The following HCN1 variants were observed in gnomAD, a reference collection of about 807,000 sequenced individuals.
The protein encoded by HCN1 is hyperpolarization activated cyclic nucleotide gated potassium channel 1, also known as potassium/sodium hyperpolarization-activated cyclic nucleotide-gated channel 1.
Under a neutral mutation model 78.9 loss-of-function variants are expected in HCN1, and 13 were observed. That is an observed-to-expected ratio of 0.16 (90% confidence interval 0.11 to 0.26). The LOEUF is 0.26. Among genes scored for constraint, HCN1 ranks in the 10% least tolerant of loss-of-function variants. The pLI is 1.00. For synonymous variants in HCN1, 552 were observed against 455.5 expected, an observed-to-expected ratio of 1.21 and a Z score of -2.70; for missense variants, 810 against 1,154.3, an observed-to-expected ratio of 0.70 and a Z score of 4.32.
At chr5:45,357,047 C>T (rs1747018510) in intron 4 of HCN1, among the ~76,000 whole-genome samples, 1 of 151,848 alleles carries the variant, frequency 6.6e-6, no homozygotes, top group African/African-American at 2.4e-5. Context: ...TTTTTTCTAG[C>T]CTCCTTATCC....
intron 6 of HCN1, among the ~76,000 whole-genome samples, chr5:45,276,936 G>C (rs940417222): frequency 1.3e-5 from 2 of 152,020 alleles, no homozygotes; most frequent in African/African-American, 2.4e-5. Context: ...TCATGATACA[G>C]GTTCAAAGAA....
chr5:45,485,499 T>C (rs924667630), intron 2 of HCN1, among the ~76,000 whole-genome samples: 6 of 152,190 alleles, frequency 3.9e-5, no homozygotes, highest in Non-Finnish European at 5.9e-5. Context: ...CAAAACAGTT[T>C]TTTCATCTCA....
At chr5:45,338,657 T>C (rs753084298) in intron 5 of HCN1, among the ~76,000 whole-genome samples, 1 of 152,142 alleles carries the variant, frequency 6.6e-6, no homozygotes, top group Non-Finnish European at 1.5e-5. Context: ...CCTAAGTTGA[T>C]TCCTCCTCTC....
chr5:45,657,398 G>A lies in HCN1; in HGVS notation c.426-11790C>T, dbSNP rs138657922. On this transcript the variant is annotated intron_variant, in intron 1 of 7. Transcript: ENST00000303230. The stretch of plus-strand genomic sequence containing the variant: ...TAGTGGTACTTATTAAATCTTTTTT[G>A]CTTCAACAGAAAATACACATATGGA... Among the ~76,000 whole-genome samples, 12 of 151,904 alleles carry A rather than the reference G, an allele frequency of 7.9e-5. No homozygotes were observed. In the East Asian group the frequency reaches 2.3e-3, roughly 29 times the overall value.
intron 2 of HCN1, among the ~76,000 whole-genome samples, chr5:45,508,688 G>T (rs1299402867): frequency 3.3e-5 from 5 of 152,090 alleles, no homozygotes; most frequent in Non-Finnish European, 7.4e-5. Flanking sequence ...TATATAGAAT[G>T]TCTGTGATGT....
chr5:45,446,754 T>C (rs1740807216), intron 3 of HCN1, among the ~76,000 whole-genome samples: 1 of 152,014 alleles, frequency 6.6e-6, no homozygotes, highest in South Asian at 2.1e-4. Flanking sequence ...AAGAAAAGAA[T>C]TTTCAACCCA....
intron 5 of HCN1, among the ~76,000 whole-genome samples, chr5:45,307,330 C>A (rs1275067471): frequency 6.6e-6 from 1 of 152,028 alleles, no homozygotes; most frequent in Non-Finnish European, 1.5e-5. Flanking sequence ...AATTACCAAA[C>A]CCTTAAGGAT....
chr5:45,278,438 T>G (rs1745105258), intron 6 of HCN1, among the ~76,000 whole-genome samples: 1 of 152,146 alleles, frequency 6.6e-6, no homozygotes, highest in Non-Finnish European at 1.5e-5. Context: ...CTATTACCAC[T>G]GCCCAATCAA....
At chr5:45,627,836 A>C (rs1049542101) in intron 2 of HCN1, among the ~76,000 whole-genome samples, 1 of 152,210 alleles carries the variant, frequency 6.6e-6, no homozygotes, top group Non-Finnish European at 1.5e-5. Context: ...ATTATCCATG[A>C]GCTTGTGTAC....
chr5:45,497,747 C>T (rs191586633), intron 2 of HCN1, among the ~76,000 whole-genome samples: 1,564 of 152,202 alleles, frequency 0.01, 18 homozygotes, highest in Middle Eastern at 0.031. Flanking sequence ...CCATGTTTAG[C>T]ACTTCCTTCA....
At chr5:45,332,716 C>T (rs535954965) in intron 5 of HCN1, among the ~76,000 whole-genome samples, 14 of 151,616 alleles carry the variant, frequency 9.2e-5, no homozygotes, top group African/African-American at 3.4e-4. Context: ...TTTTAGATTC[C>T]ACAAAAAAGT....
At chr5:45,415,725 T>C (rs1740104677) in intron 3 of HCN1, among the ~76,000 whole-genome samples, 1 of 152,044 alleles carries the variant, frequency 6.6e-6, no homozygotes, top group South Asian at 2.1e-4. Flanking sequence ...CCACAGCACT[T>C]GTGCTTCCAT....
Position 45,256,155 on chromosome 5 carries a change from G to A in HCN1, c.*5766C>T, listed in dbSNP as rs1744609221. 6.6e-6 allele frequency: 1 copy of A among 152,070 alleles called. No homozygotes were observed. The allele number at this position is 152,070 out of a possible 1,614,324, so 9.4% of individuals were successfully genotyped here. On this transcript the variant is annotated 3_prime_UTR_variant, in exon 8 of 8. Transcript: ENST00000303230. ...GGAGGGTGAGGCGGGCGGATCACTT[G>A]AGGTTAGGGGTTCGAGACCGGCCTG... is the stretch of plus-strand genomic sequence containing the variant.
chr5:45,367,243 A>G (rs921352115), intron 4 of HCN1, among the ~76,000 whole-genome samples: 1 of 151,828 alleles, frequency 6.6e-6, no homozygotes, highest in Admixed American at 6.6e-5. Flanking sequence ...CAAAAGAATT[A>G]CACACATATA....
chr5:45,627,905 C>T (rs1203013496), intron 2 of HCN1, among the ~76,000 whole-genome samples: 3 of 152,160 alleles, frequency 2.0e-5, no homozygotes, highest in African/African-American at 7.2e-5. Flanking sequence ...TGATCACCTC[C>T]ATAAGCCATT....
At chr5:45,268,985 G>T (rs1744911966) in intron 6 of HCN1, among the ~76,000 whole-genome samples, 1 of 152,180 alleles carries the variant, frequency 6.6e-6, no homozygotes, top group African/African-American at 2.4e-5. Flanking sequence ...GCCACATTAT[G>T]GCAAACAAAG....
intron 2 of HCN1, among the ~76,000 whole-genome samples, chr5:45,597,762 T>A (rs1459324698): frequency 6.6e-6 from 1 of 152,154 alleles, no homozygotes; most frequent in African/African-American, 2.4e-5. Context: ...CAAGCATTAC[T>A]ATACAGCAAT....
chr5:45,434,956 T>C lies in HCN1; in HGVS notation c.1011+26890A>G, dbSNP rs75970377. 4.2e-3 allele frequency among the ~76,000 whole-genome samples: 640 copies of C among 152,040 alleles called. 27 individuals carry two copies. The East Asian group carries it at 0.11, about 27-fold the overall frequency. ...ATATTGTAGTCATAGATCATCTTTA[T>C]TTTTTTTAAAAAATGTCACTTGCTA... On this transcript the variant is annotated intron_variant, in intron 3 of 7. Transcript: ENST00000303230.
intron 2 of HCN1, among the ~76,000 whole-genome samples, chr5:45,515,739 C>T (rs1742504031): frequency 6.6e-6 from 1 of 151,924 alleles, no homozygotes; most frequent in East Asian, 1.9e-4. Flanking sequence ...TATACCCAAC[C>T]TATAACCACA....
Sources: allele counts gnomAD v4.1 joint callset (sites outside exome capture counted in the v4.1 genomes callset), GRCh38; gene constraint gnomAD v4.1.1; transcripts MANE v1.5; gene names NCBI Gene and HGNC (gene_info 2026-07-23, HGNC 2026-07-21).